The following CBFB variants were observed in gnomAD, a reference collection of about 807,000 sequenced individuals.
CBFB encodes core-binding factor subunit beta, also known as CBF-beta.
A neutral mutation model predicts 30.4 loss-of-function variants in CBFB; 9 were observed. The ratio of observed to expected loss-of-function variants is 0.30; its 90% CI spans 0.18 to 0.52. CBFB has a LOEUF of 0.52. CBFB is among the 20% of genes least tolerant of loss of function. The probability of loss-of-function intolerance (pLI) is 0.97; values close to 1 mark genes in which losing one functional copy is unlikely to be tolerated. For missense variants in CBFB, 170 were observed against 244.0 expected (o/e 0.70, Z 2.02); for synonymous variants, 94 against 84.0 (o/e 1.12, Z -0.65).
intron 4 of CBFB, among the ~76,000 whole-genome samples, chr16:67,073,139 A>G (rs1274771121): frequency 6.6e-6 from 1 of 152,228 alleles, no homozygotes; most frequent in Non-Finnish European, 1.5e-5. Context: ...AATTGACAAA[A>G]TACTCTAACA....
chr16:67,080,762 G>C (rs918553641), intron 4 of CBFB, among the ~76,000 whole-genome samples: 1 of 152,134 alleles, frequency 6.6e-6, no homozygotes, highest in Non-Finnish European at 1.5e-5. Context: ...TTAGTTCATA[G>C]AGCATTTCTT....
intron 5 of CBFB, among the ~76,000 whole-genome samples, chr16:67,097,703 T>G (rs1056768888): frequency 2.0e-5 from 3 of 152,200 alleles, no homozygotes; most frequent in African/African-American, 7.2e-5. Context: ...TGTGATTCAG[T>G]TTTTTTATTT....
intron 5 of CBFB, among the ~76,000 whole-genome samples, chr16:67,089,265 ACT>A (rs1229603198): frequency 6.6e-6 from 1 of 151,962 alleles, no homozygotes; most frequent in Non-Finnish European, 1.5e-5. Flanking sequence ...ATAATATCTT[ACT>A]CTCTGGGTAT....
At chr16:67,044,190 C>T (rs2145722868) in intron 3 of CBFB, among the ~76,000 whole-genome samples, 1 of 152,208 alleles carries the variant, frequency 6.6e-6, no homozygotes. Flanking sequence ...CATAAAGCTT[C>T]ATTGGGATTT....
intron 2 of CBFB, among the ~76,000 whole-genome samples, chr16:67,032,690 A>T (rs934133591): frequency 6.6e-6 from 1 of 152,224 alleles, no homozygotes; most frequent in Non-Finnish European, 1.5e-5. Context: ...GCTTAATTTA[A>T]TGCCTGAAAT....
intron 5 of CBFB, among the ~76,000 whole-genome samples, chr16:67,092,219 A>G (rs1398301325): frequency 1.3e-5 from 2 of 152,140 alleles, no homozygotes; most frequent in Non-Finnish European, 2.9e-5. Context: ...TCTGAGAATG[A>G]TGGCTTCCAG....
At chr16:67,077,237 C>T (rs1440366464) in intron 4 of CBFB, among the ~76,000 whole-genome samples, 1 of 152,084 alleles carries the variant, frequency 6.6e-6, no homozygotes, top group Non-Finnish European at 1.5e-5. Context: ...GTATAATGAC[C>T]TTGCAAAGTT....
intron 3 of CBFB, among the ~76,000 whole-genome samples, chr16:67,054,578 A>G (rs1467161421): frequency 2.6e-5 from 4 of 151,870 alleles, no homozygotes; most frequent in African/African-American, 7.3e-5. Context: ...TATTTTTTCT[A>G]TTCTTTTCTG....
Position 67,075,654 on chromosome 16 carries a change from A to G in CBFB, c.400-6559A>G, listed in dbSNP as rs1484977703. Among the ~76,000 whole-genome samples, 5 of 152,312 alleles carry G rather than the reference A, an allele frequency of 3.3e-5. No individual in the cohort carries two copies. The South Asian group carries it at 1.0e-3, about 32-fold the overall frequency. On this transcript the variant is annotated intron_variant, in intron 4 of 5. Transcript: ENST00000412916. Reference sequence around the variant, plus strand: ...TGAATATGCATATTCATCACAAAATATGTGCTAGGACATTTATAACTATTA... The same window carrying G: ...TGAATATGCATATTCATCACAAAATGTGTGCTAGGACATTTATAACTATTA...
intron 3 of CBFB, among the ~76,000 whole-genome samples, chr16:67,050,511 G>A (rs1375521760): frequency 6.6e-6 from 1 of 151,990 alleles, no homozygotes; most frequent in East Asian, 1.9e-4. Context: ...AAAGTAGAAC[G>A]TGGCCGGGCA....
In CBFB at chr16:67,100,388, G is replaced by A. The variant is rs1962185860; in HGVS notation, c.*1610G>A. 9.0e-6 allele frequency: 2 copies of A among 221,940 alleles called. No individual in the cohort carries two copies. The highest frequency in any genetic ancestry group is 1.8e-5 in the Non-Finnish European group (2 of 110,854). 13.7% of individuals were successfully genotyped at this position (221,940 alleles called of 1,614,324 possible). A position where few individuals can be genotyped will look rare whatever the true frequency, so the allele number is the denominator to read the frequency against. On this transcript the variant is annotated 3_prime_UTR_variant, in exon 6 of 6. Transcript: ENST00000412916. ...AAATAAAAGTATTTGTTATATATTT[G>A]AAGTTATGCATGGAAAGGAGTGTGT...
chr16:67,068,395 C>A (rs563096329), intron 4 of CBFB, among the ~76,000 whole-genome samples: 1 of 152,228 alleles, frequency 6.6e-6, no homozygotes, highest in African/African-American at 2.4e-5. Flanking sequence ...GTGGAAGGAT[C>A]GCTTGAGTCC....
chr16:67,090,803 A>G (rs1961859578), intron 5 of CBFB, among the ~76,000 whole-genome samples: 2 of 152,260 alleles, frequency 1.3e-5, no homozygotes, highest in Admixed American at 6.5e-5. Context: ...AGCAATTTTA[A>G]TACAATTCAA....
intron 3 of CBFB, among the ~76,000 whole-genome samples, chr16:67,054,511 G>A (rs1960655326): frequency 6.6e-6 from 1 of 152,094 alleles, no homozygotes; most frequent in African/African-American, 2.4e-5. Flanking sequence ...TTACAGTATG[G>A]CAGCTGTGTC....
chr16:67,058,464 A>T (rs1393441176), intron 3 of CBFB, among the ~76,000 whole-genome samples: 1 of 152,064 alleles, frequency 6.6e-6, no homozygotes, highest in Non-Finnish European at 1.5e-5. Flanking sequence ...TTATATATTC[A>T]GCTCTTCCTC....
At chr16:67,036,981 C>G (rs988415992) in intron 3 of CBFB, among the ~76,000 whole-genome samples, 2 of 151,932 alleles carry the variant, frequency 1.3e-5, no homozygotes, top group Admixed American at 6.6e-5. Context: ...TCACTGCAAT[C>G]TCCGCCTTCC....
chr16:67,082,984 A>G (rs1233961737), intron 5 of CBFB, among the ~76,000 whole-genome samples: 1 of 152,170 alleles, frequency 6.6e-6, no homozygotes, highest in East Asian at 1.9e-4. Context: ...GTCAAAAAAT[A>G]AAACTTTGAG....
At chr16:67,057,401 A>G (rs1363323027) in intron 3 of CBFB, among the ~76,000 whole-genome samples, 2 of 152,228 alleles carry the variant, frequency 1.3e-5, no homozygotes, top group Non-Finnish European at 2.9e-5. Context: ...TCCCCTGAGA[A>G]TGAACATTCT....
intron 4 of CBFB, among the ~76,000 whole-genome samples, chr16:67,075,195 A>AT (rs2145761651): frequency 5.2e-5 from 1 of 19,358 alleles, no homozygotes; most frequent in East Asian, 2.1e-3. Flanking sequence ...ATCTCAAAAA[A>AT]AATGTGTGTG....
Sources: allele counts gnomAD v4.1 joint callset (sites outside exome capture counted in the v4.1 genomes callset), GRCh38; gene constraint gnomAD v4.1.1; transcripts MANE v1.5; gene names NCBI Gene and HGNC (gene_info 2026-07-23, HGNC 2026-07-21).